LPCAT2: variants seen among roughly 807,000 people sequenced by gnomAD.
LPCAT2 encodes the protein lysophosphatidylcholine acyltransferase 2, also known as 1-AGP acyltransferase 11.
In LPCAT2, 58 loss-of-function variants were observed where a neutral mutation model predicts 64.7. The observed-to-expected ratio is 0.90, with a 90% CI of 0.73 to 1.12. The LOEUF is 1.12. LPCAT2 is among the 50% of genes most tolerant of loss of function. LPCAT2 has a pLI of 0.00. For synonymous variants in LPCAT2, 252 were observed against 245.3 expected (o/e 1.03, Z -0.26); for missense variants, 579 against 669.8 (o/e 0.86, Z 1.50).
chr16:55,549,495 C>A, intron 10 of LPCAT2, 93 bp downstream of exon 10: 1 of 1,168,448 alleles, frequency 8.6e-7, no homozygotes, highest in Non-Finnish European at 1.2e-6. Flanking sequence ...TAATGCTCAG[C>A]TCTAGTTCCC....
At chr16:55,538,611 A>G (rs1199650428) in intron 8 of LPCAT2, 1 of 149,096 alleles carries the variant, frequency 6.7e-6, no homozygotes, top group Non-Finnish European at 1.5e-5. Flanking sequence ...TCTTGAAAAT[A>G]TCTGTTTATT....
intron 12 of LPCAT2, chr16:55,578,905 G>A: frequency 3.8e-6 from 2 of 531,978 alleles, no homozygotes; most frequent in South Asian, 4.7e-5. Flanking sequence ...ATGGACCATT[G>A]GTATAGCTCC....
At chr16:55,560,525 G>C (rs757306295) in intron 11 of LPCAT2, among the ~76,000 whole-genome samples, 1 of 152,078 alleles carries the variant, frequency 6.6e-6, no homozygotes, top group African/African-American at 2.4e-5. Flanking sequence ...CCCAGATAAA[G>C]AAAGATTAAA....
intron 7 of LPCAT2, among the ~76,000 whole-genome samples, chr16:55,536,794 A>G (rs1476021112): frequency 1.3e-5 from 2 of 152,204 alleles, no homozygotes; most frequent in Admixed American, 6.5e-5. Context: ...CAGAGAGTCT[A>G]AATATGTACT....
At chr16:55,534,309 G>A in intron 6 of LPCAT2, 134 bp from the exon 7 acceptor site, 2 of 617,468 alleles carry the variant, frequency 3.2e-6, no homozygotes, top group Non-Finnish European at 5.9e-6. Flanking sequence ...TAACAATAAT[G>A]TATTTATTTT....
chr16:55,563,608 A>C (rs1169651724), intron 11 of LPCAT2, among the ~76,000 whole-genome samples: 1 of 152,140 alleles, frequency 6.6e-6, no homozygotes, highest in Middle Eastern at 3.4e-3. Flanking sequence ...GAAAAATCAC[A>C]TGATCATCTT....
chr16:55,537,373 G>A lies in LPCAT2; in HGVS notation c.798-205G>A, dbSNP rs560350701. Among the ~76,000 whole-genome samples, 41 of 150,302 alleles carry A rather than the reference G, an allele frequency of 2.7e-4. No homozygotes were observed. The South Asian group carries it at 3.8e-3, about 14-fold the overall frequency. On this transcript the variant is annotated intron_variant, in intron 7 of 13. Transcript: ENST00000262134. Reference sequence around the variant, plus strand: ...GCCACTGTACTCCAGACTGGGTGACGGAGTAAGACCCTGTCCCCAAAAAAA... The same window carrying A: ...GCCACTGTACTCCAGACTGGGTGACAGAGTAAGACCCTGTCCCCAAAAAAA...
rs1400309317 is a variant in LPCAT2 at position 55,528,571 on chromosome 16, A to T, written c.506A>T (p.Asn169Ile). 6.2e-7 allele frequency: 1 copy of T among 1,613,368 alleles called. No homozygotes were observed. The change falls in exon 3 of 14, where the codon AAT becomes ATT. Residue 169 changes from asparagine to isoleucine, a missense_variant. By Grantham distance (149) the Asn-to-Ile change is moderately radical (BLOSUM62 -3). Coordinates refer to ENST00000262134, the MANE Select transcript of LPCAT2 (RefSeq NM_017839.5). The stretch of plus-strand genomic sequence containing the variant: ...CCTTCTATGGTATCTCGAAATGAGA[A>T]TGCACAAGTCCCTCTGATTGGCAGT... The part of the protein sequence containing the change: ...GLPSMVSRNE[N>I]AQVPLIGRLL...
chr16:55,541,117 T>C (rs1963390680), intron 8 of LPCAT2: 1 of 152,160 alleles, frequency 6.6e-6, no homozygotes, highest in Non-Finnish European at 1.5e-5. Flanking sequence ...GTTTGGACCA[T>C]GGTTGACTGT....
chr16:55,545,926 C>CA (rs1963449162), intron 9 of LPCAT2, 109 bp downstream of exon 9: 2 of 709,702 alleles, frequency 2.8e-6, no homozygotes, highest in African/African-American at 3.6e-5. Context: ...CCTCGTTCCC[C>CA]AATTCATTTT....
intron 11 of LPCAT2, among the ~76,000 whole-genome samples, chr16:55,553,613 G>A (rs562742822): frequency 6.6e-6 from 1 of 152,280 alleles, no homozygotes; most frequent in Non-Finnish European, 1.5e-5. Flanking sequence ...TCATCCATAA[G>A]TGTTGTAATT....
At chr16:55,513,553 C>G (rs1962964885) in intron 1 of LPCAT2, among the ~76,000 whole-genome samples, 1 of 151,960 alleles carries the variant, frequency 6.6e-6, no homozygotes, top group Admixed American at 6.6e-5. Flanking sequence ...TGTCTTAGCT[C>G]TGAAAATTAA....
intron 1 of LPCAT2, among the ~76,000 whole-genome samples, chr16:55,524,184 C>T (rs1486031461): frequency 1.3e-5 from 2 of 151,716 alleles, no homozygotes; most frequent in African/African-American, 4.8e-5. Flanking sequence ...CCCAAATGTT[C>T]ATCAGTAGGA....
At chr16:55,554,856 G>T (rs1334748199) in intron 11 of LPCAT2, among the ~76,000 whole-genome samples, 1 of 152,132 alleles carries the variant, frequency 6.6e-6, no homozygotes, top group Non-Finnish European at 1.5e-5. Context: ...CAGTATTGCT[G>T]TGTCCAGGGA....
intron 11 of LPCAT2, among the ~76,000 whole-genome samples, chr16:55,559,136 A>G (rs143601951): frequency 6.6e-6 from 1 of 152,294 alleles, no homozygotes; most frequent in East Asian, 1.9e-4. Flanking sequence ...TTCTCTTTTT[A>G]CCAACACCAT....
rs1451902780 is a variant in LPCAT2, at chr16:55,561,695, A to G, written c.1215+10593A>G. On this transcript the variant is annotated intron_variant, in intron 11 of 13. Transcript: ENST00000262134. ...ATATTATAAAAACAAAGTTCATGTA[A>G]TTTTCTCTGAGAGAAGCTTATATGA... 3.3e-5 allele frequency among the ~76,000 whole-genome samples: 5 copies of G among 151,990 alleles called. No homozygotes were observed. The East Asian group carries it at 9.6e-4, about 29-fold the overall frequency.
chr16:55,570,442 G>T (rs553880135), intron 11 of LPCAT2, among the ~76,000 whole-genome samples: 2 of 152,106 alleles, frequency 1.3e-5, no homozygotes, highest in South Asian at 4.2e-4. Context: ...TGGGCAACAT[G>T]GCAAAACCCC....
At chr16:55,570,235 T>G (rs1370926942) in intron 11 of LPCAT2, among the ~76,000 whole-genome samples, 2 of 152,204 alleles carry the variant, frequency 1.3e-5, no homozygotes, top group Admixed American at 1.3e-4. Context: ...ATTCAAAATT[T>G]TTATGTGATC....
In LPCAT2 at chr16:55,584,615, G is replaced by A. The variant is rs1461005368; in HGVS notation, c.*1517G>A. 6.6e-6 allele frequency: 1 copy of A among 152,094 alleles called. No homozygotes were observed. Among genetic ancestry groups the A allele is most frequent in the Non-Finnish European group, 1.5e-5 (1 of 68,004 alleles). 9.4% of individuals were successfully genotyped at this position (152,094 alleles called of 1,614,324 possible). On this transcript the variant is annotated 3_prime_UTR_variant, in exon 14 of 14. Transcript: ENST00000262134. ...AAATAAAACTCCTTGTTTTGGCCGT[G>A]TTTCTGAATGTATTGGTGATTCACC...
Sources: gnomAD v4.1 joint callset for allele counts (sites outside exome capture counted in the v4.1 genomes callset) on GRCh38, gnomAD v4.1.1 for gene constraint, MANE v1.5 for transcripts, NCBI Gene and HGNC (gene_info 2026-07-23, HGNC 2026-07-21) for gene names.